VPS26A: variants seen among roughly 807,000 people sequenced by gnomAD.
The protein encoded by VPS26A is VPS26 retromer complex component A.
Under a neutral mutation model 42.4 loss-of-function variants are expected in VPS26A, and 22 were observed. That is an observed-to-expected ratio of 0.52 (90% CI 0.37 to 0.74). VPS26A has a LOEUF of 0.74. VPS26A is among the 30% of genes least tolerant of loss of function. The pLI is 0.00. For synonymous variants in VPS26A, 110 were observed against 123.5 expected (o/e 0.89, Z 0.73); for missense variants, 276 against 379.2 (o/e 0.73, Z 2.26).
intron 6 of VPS26A, among the ~76,000 whole-genome samples, chr10:69,163,591 G>T (rs10998614): frequency 0.76 from 115,311 of 152,042 alleles, 45,772 homozygotes; most frequent in Non-Finnish European, 0.89. Flanking sequence ...TACTACTACA[G>T]TGTAGTTCTG....
intron 2 of VPS26A, among the ~76,000 whole-genome samples, chr10:69,140,251 T>A (rs1038710533): frequency 1.3e-5 from 2 of 151,990 alleles, no homozygotes; most frequent in African/African-American, 4.8e-5. Context: ...AATATATATT[T>A]TTTGTAGAGA....
intron 2 of VPS26A, among the ~76,000 whole-genome samples, chr10:69,143,689 A>C (rs1316460134): frequency 1.3e-5 from 2 of 151,924 alleles, no homozygotes; most frequent in Non-Finnish European, 2.9e-5. Context: ...AGTCTTTATC[A>C]CCCAGATTGC....
At chr10:69,140,671 C>T (rs1178432053) in intron 2 of VPS26A, among the ~76,000 whole-genome samples, 1 of 152,152 alleles carries the variant, frequency 6.6e-6, no homozygotes, top group East Asian at 1.9e-4. Flanking sequence ...AGGTGTGAAC[C>T]ACTGTGCCTG....
intron 7 of VPS26A, among the ~76,000 whole-genome samples, chr10:69,166,390 A>G (rs1841688133): frequency 6.6e-6 from 1 of 152,110 alleles, no homozygotes; most frequent in African/African-American, 2.4e-5. Context: ...ATTGTCTTCT[A>G]TTATACAATA....
At chr10:69,160,119 A>T (rs1343918154) in intron 5 of VPS26A, among the ~76,000 whole-genome samples, 2 of 142,408 alleles carry the variant, frequency 1.4e-5, no homozygotes, top group Non-Finnish European at 3.0e-5. Context: ...TCAGACTGAC[A>T]TAATTTTTAC....
chr10:69,154,507 G>A (rs1052623028), intron 2 of VPS26A, among the ~76,000 whole-genome samples: 1 of 152,050 alleles, frequency 6.6e-6, no homozygotes, highest in Non-Finnish European at 1.5e-5. Flanking sequence ...CTGCACTCTA[G>A]CCTGGGCAAC....
chr10:69,159,214 C>G (rs1281006881), intron 5 of VPS26A, among the ~76,000 whole-genome samples: 1 of 151,992 alleles, frequency 6.6e-6, no homozygotes, highest in Admixed American at 6.6e-5. Flanking sequence ...AACTCCGTCT[C>G]CACTGAAAAT....
At chr10:69,125,272 C>T (rs1333674412) in intron 1 of VPS26A, among the ~76,000 whole-genome samples, 1 of 151,082 alleles carries the variant, frequency 6.6e-6, no homozygotes, top group Non-Finnish European at 1.5e-5. Context: ...AATGATGTTG[C>T]TTTCAAAACA....
intron 6 of VPS26A, 75 bp from the exon 7 acceptor site, chr10:69,165,967 A>G: frequency 2.1e-6 from 3 of 1,410,892 alleles, no homozygotes; most frequent in Non-Finnish European, 3.0e-6. Flanking sequence ...AATGTAGTGG[A>G]AAAATAAGAA....
At chr10:69,133,503 A>G (rs1167426256) in intron 2 of VPS26A, 7 of 1,221,486 alleles carry the variant, frequency 5.7e-6, no homozygotes, top group Non-Finnish European at 7.5e-6. Context: ...CTGTACTGCT[A>G]CTATTGTGTC....
intron 2 of VPS26A, among the ~76,000 whole-genome samples, chr10:69,140,699 G>GATGGT (rs1436512494): frequency 1.3e-5 from 2 of 152,132 alleles, no homozygotes; most frequent in Non-Finnish European, 2.9e-5. Context: ...CTGAACTTTT[G>GATGGT]ATGGTTTGGT....
Position 69,171,525 on chromosome 10 carries a change from C to A in VPS26A, c.*256C>A. 1 of 313,190 alleles carries A rather than the reference C, an allele frequency of 3.2e-6. No homozygotes were observed. The highest frequency in any genetic ancestry group is 4.7e-5 in the South Asian group (1 of 21,404). 19.4% of individuals were successfully genotyped at this position (313,190 alleles called of 1,614,324 possible). A position where few individuals can be genotyped will look rare whatever the true frequency, so the allele number is the denominator to read the frequency against. On this transcript the variant is annotated 3_prime_UTR_variant, in exon 9 of 9. Coordinates refer to ENST00000263559, the MANE Select transcript of VPS26A (RefSeq NM_004896.5). ...CTGCCTTTTTTTTTTTAACTTCCTA[C>A]TTTGATGATAAGCACTCAGATATAT...
chr10:69,155,824 T>C lies in VPS26A; in HGVS notation c.166T>C (p.Phe56Leu). ...ESVSGKVNLAFKQPGKRLEHQ... is the reference protein window; with the variant it reads ...ESVSGKVNLALKQPGKRLEHQ... ...CATGTTTTGGCAGGTAAACCTAGCC[T>C]TTAAGCAACCTGGAAAGAGGCTAGA... The change falls in exon 3 of 9, where the codon TTT (phenylalanine) becomes CTT (leucine). Residue 56 changes from phenylalanine to leucine, a missense_variant. Transcript: ENST00000263559. 6.2e-7 allele frequency: 1 copy of C among 1,612,170 alleles called. No individual in the cohort carries two copies. The highest frequency in any genetic ancestry group is 8.5e-7 in the Non-Finnish European group (1 of 1,178,984).
At chr10:69,152,415 A>T (rs767332598) in intron 2 of VPS26A, among the ~76,000 whole-genome samples, 2 of 152,156 alleles carry the variant, frequency 1.3e-5, no homozygotes, top group African/African-American at 4.8e-5. Context: ...AAAATTCTTT[A>T]TCATTATTGT....
At chr10:69,158,563 T>A (rs1390675457) in intron 5 of VPS26A, among the ~76,000 whole-genome samples, 1 of 152,152 alleles carries the variant, frequency 6.6e-6, no homozygotes, top group Admixed American at 6.6e-5. Context: ...TAATCACTGT[T>A]AATGTCTCCT....
intron 2 of VPS26A, chr10:69,133,572 T>C: frequency 3.1e-6 from 4 of 1,289,780 alleles, no homozygotes; most frequent in Non-Finnish European, 4.0e-6. Context: ...GATGTGTCTA[T>C]GCATGGTCAG....
intron 2 of VPS26A, among the ~76,000 whole-genome samples, chr10:69,145,376 C>G (rs1207908917): frequency 2.0e-5 from 3 of 152,126 alleles, no homozygotes; most frequent in Non-Finnish European, 2.9e-5. Flanking sequence ...CCTTGTTTTG[C>G]TTGGAATTGG....
At chr10:69,142,867 C>T (rs561943226) in intron 2 of VPS26A, among the ~76,000 whole-genome samples, 1 of 152,112 alleles carries the variant, frequency 6.6e-6, no homozygotes, top group African/African-American at 2.4e-5. Flanking sequence ...GTGACCATAC[C>T]AGACAAATGC....
At chr10:69,169,981 T>C (rs1841782060) in intron 8 of VPS26A, 1 of 152,208 alleles carries the variant, frequency 6.6e-6, no homozygotes, top group Non-Finnish European at 1.5e-5. Context: ...TTAAAAGCTT[T>C]TGGTGAATTT....
Sources: allele counts gnomAD v4.1 joint callset (sites outside exome capture counted in the v4.1 genomes callset), GRCh38; gene constraint gnomAD v4.1.1; transcripts MANE v1.5; gene names NCBI Gene and HGNC (gene_info 2026-07-23, HGNC 2026-07-21).